The following APC2 variants were observed in gnomAD, a reference collection of about 807,000 sequenced individuals.
APC2 encodes the protein adenomatous polyposis coli protein 2.
In APC2, 41 loss-of-function variants were observed where a neutral mutation model predicts 72.5. The ratio of observed to expected loss-of-function variants is 0.57; its 90% confidence interval spans 0.44 to 0.73. The LOEUF (loss-of-function observed/expected upper bound fraction) is 0.73. APC2 is among the 30% of genes least tolerant of loss of function. APC2 has a pLI of 0.00. For synonymous variants in APC2, 1,898 were observed against 1,612.0 expected (o/e 1.18, Z -4.25); for missense variants, 3,729 against 3,403.4 (o/e 1.10, Z -2.38).
chr19:1,452,882 C>G lies in APC2; in HGVS notation c.-18-102C>G. ...CCTGAGACCCCCCCCAACCCAGGATCAGGCAGGACGGCTGGGGCTTAGGTC... is the reference window on the plus strand; with the variant it reads ...CCTGAGACCCCCCCCAACCCAGGATGAGGCAGGACGGCTGGGGCTTAGGTC... On this transcript the variant is annotated intron_variant, in intron 1 of 14. Coordinates refer to ENST00000590469, the MANE Select transcript of APC2 (RefSeq NM_005883.3). This position sits in a 1 kb window ranked among gnomAD's most constrained non-coding sequence, Gnocchi z 5.1. The G allele has an allele frequency of 7.2e-7, 1 of 1,386,044 alleles. No homozygotes were observed. The highest frequency in any genetic ancestry group is 9.7e-7 in the Non-Finnish European group (1 of 1,033,626). The allele number at this position is 1,386,044 out of a possible 1,614,324, so 85.9% of individuals were successfully genotyped here.
At chr19:1,461,306 C>T in intron 13 of APC2, 153 bp downstream of exon 13, 1 of 668,900 alleles carries the variant, frequency 1.5e-6, no homozygotes, top group East Asian at 2.7e-5. Context: ...GGGCTCACTC[C>T]TCATGTCACT....
At chr19:1,461,316 T>C (rs2083918994) in intron 13 of APC2, 163 bp downstream of exon 13, 2 of 648,640 alleles carry the variant, frequency 3.1e-6, no homozygotes, top group East Asian at 5.4e-5. Flanking sequence ...CTCATGTCAC[T>C]GCTCTTTGAA....
At chr19:1,461,922 C>T (rs777967987) in intron 13 of APC2, 41 bp from the exon 14 acceptor site, 5 of 1,531,116 alleles carry the variant, frequency 3.3e-6, no homozygotes, top group Admixed American at 1.9e-5. Context: ...TCCTCCGGGC[C>T]ACTCAGGCCC....
At position 1,456,083 on chromosome 19, in the gene APC2, C is replaced by A. The variant is rs2071502185; in HGVS notation, c.647C>A (p.Ala216Asp). Residue 216 changes from alanine (A) to aspartate (D), a missense_variant, in exon 7 of 15, where the codon GCC becomes GAC. Coordinates refer to ENST00000590469, the MANE Select transcript of APC2 (RefSeq NM_005883.3). ...DEMVQRAQIR[A>D]SRLEQIDKEL... Reference sequence around the variant, plus strand: ...TCGTGTGGTCCTGAGCAGATCCGCGCCTCGCGCCTGGAGCAGATTGACAAG... The same window carrying A: ...TCGTGTGGTCCTGAGCAGATCCGCGACTCGCGCCTGGAGCAGATTGACAAG... The A allele has an allele frequency of 3.2e-6, 5 of 1,576,140 alleles. No individual in the cohort carries two copies. Among genetic ancestry groups the A allele is most frequent in the Non-Finnish European group, 4.3e-6 (5 of 1,164,370 alleles).
rs746073662 is a variant in APC2, at chr19:1,465,273, C to T, written c.1972C>T (p.Arg658Cys). ...TLWNLSARSARDQELLWDLGA... is the reference protein window; with the variant it reads ...TLWNLSARSACDQELLWDLGA... Reference sequence around the variant, plus strand: ...CTGGAACCTGTCGGCCCGCAGCGCCCGTGACCAGGAGCTGCTGTGGGACCT... The same window carrying T: ...CTGGAACCTGTCGGCCCGCAGCGCCTGTGACCAGGAGCTGCTGTGGGACCT... The change falls in exon 15 of 15, where the codon CGT (arginine) becomes TGT (cysteine). Residue 658 changes from arginine to cysteine, a missense_variant. Coordinates refer to ENST00000590469, the MANE Select transcript of APC2 (RefSeq NM_005883.3). 1.2e-5 allele frequency: 20 copies of T among 1,605,790 alleles called. No homozygotes were observed. The highest frequency in any genetic ancestry group is 8.0e-5 in the African/African-American group (6 of 74,794).
intron 10 of APC2, among the ~76,000 whole-genome samples, chr19:1,459,159 G>A (rs931657897): frequency 2.6e-5 from 4 of 152,122 alleles, no homozygotes; most frequent in Admixed American, 6.5e-5. Flanking sequence ...CCCACTGAGC[G>A]TGACATCCTC....
chr19:1,469,696 A>G lies in APC2; in HGVS notation c.6395A>G (p.Glu2132Gly), dbSNP rs2084098884. ...ADAARRSSDGEPRPLPRVAAP... is the reference protein window; with the variant it reads ...ADAARRSSDGGPRPLPRVAAP... ...GCCGCGCGCCGCAGCAGCGACGGGG[A>G]GCCCCGGCCGCTCCCCAGGGTGGCC... Residue 2132 changes from glutamate (E) to glycine (G), a missense_variant, in exon 15 of 15, where the codon GAG becomes GGG. Transcript: ENST00000590469. 1.5e-6 allele frequency: 2 copies of G among 1,346,250 alleles called. No individual in the cohort carries two copies. 83.4% of individuals were successfully genotyped at this position (1,346,250 alleles called of 1,614,324 possible). A position where few individuals can be genotyped will look rare whatever the true frequency, so the allele number is the denominator to read the frequency against.
Position 1,456,917 on chromosome 19 carries a change from C to T in APC2, c.881C>T (p.Thr294Met), listed in dbSNP as rs1026648739. The T allele has an allele frequency of 1.9e-6, 3 of 1,574,202 alleles. No homozygotes were observed. Among genetic ancestry groups the T allele is most frequent in the African/African-American group, 2.7e-5 (2 of 74,018 alleles). Residue 294 changes from threonine to methionine, a missense_variant, in exon 9 of 15, where the codon ACG becomes ATG. Thr to Met is a moderately conservative substitution (Grantham distance 81). Transcript: ENST00000590469. ...CGCGACCAGGAGGATACAGCGCGCA[C>T]GCTGCTGGCCATGTCCAGCTCGCCC... Reference protein sequence around the residue: ...ATRDQEDTARTLLAMSSSPES... With the variant: ...ATRDQEDTARMLLAMSSSPES...
chr19:1,459,468 C>T (rs924866202), intron 10 of APC2, among the ~76,000 whole-genome samples: 2 of 152,154 alleles, frequency 1.3e-5, no homozygotes, highest in African/African-American at 4.8e-5. Flanking sequence ...GCTCTAGCTG[C>T]CCCCCACTCC....
chr19:1,461,623 C>T (rs1053955730), intron 13 of APC2: 11 of 323,822 alleles, frequency 3.4e-5, no homozygotes, highest in East Asian at 2.0e-4. Flanking sequence ...GAGGCCGAGG[C>T]GGGCGGATCA....
Position 1,467,795 on chromosome 19 carries a change from C to T in APC2, c.4494C>T (p.Leu1498=), listed in dbSNP as rs1299617510. ...ACGGGGCGCTCCAGTCGCTGTGCCT[C>T]ACGACGCCCACTGAGGAGGCCGTGT... ...RGDGALQSLC[L]TTPTEEAVYC... The change falls in exon 15 of 15, where the codon CTC becomes CTT. Residue 1498 remains leucine (L), a synonymous_variant. Coordinates refer to ENST00000590469, the MANE Select transcript of APC2 (RefSeq NM_005883.3). The T allele has an allele frequency of 1.4e-6, 2 of 1,451,404 alleles. No individual in the cohort carries two copies. The highest frequency in any genetic ancestry group is 1.8e-6 in the Non-Finnish European group (2 of 1,106,674). The allele number at this position is 1,451,404 out of a possible 1,614,324, so 89.9% of individuals were successfully genotyped here. A position where few individuals can be genotyped will look rare whatever the true frequency, so the allele number is the denominator to read the frequency against.
chr19:1,455,894 C>T (rs1249257989), intron 6 of APC2, among the ~76,000 whole-genome samples, 182 bp from the exon 7 acceptor site: 1 of 49,660 alleles, frequency 2.0e-5, no homozygotes, highest in Non-Finnish European at 4.1e-5. Flanking sequence ...TCTTAGGAGG[C>T]GGGGCTTAGG....
chr19:1,461,316 T>G, intron 13 of APC2, 163 bp downstream of exon 13: 1 of 648,640 alleles, frequency 1.5e-6, no homozygotes, highest in East Asian at 2.7e-5. Context: ...CTCATGTCAC[T>G]GCTCTTTGAA....
Position 1,452,562 on chromosome 19 carries a change from T to G in APC2, c.-18-422T>G, listed in dbSNP as rs2083756666. ...GGTCCTGTCTGTCTGTCTGTCGCCCTCTCTGGCTGTGAGCCTGGGGGTGCT... is the reference window on the plus strand; with the variant it reads ...GGTCCTGTCTGTCTGTCTGTCGCCCGCTCTGGCTGTGAGCCTGGGGGTGCT... On this transcript the variant is annotated intron_variant, in intron 1 of 14. Coordinates refer to ENST00000590469, the MANE Select transcript of APC2 (RefSeq NM_005883.3). This position sits in a 1 kb window ranked among gnomAD's most constrained non-coding sequence, Gnocchi z 5.1. The G allele has an allele frequency of 5.7e-6, 1 of 174,448 alleles. No homozygotes were observed. Among genetic ancestry groups the G allele is most frequent in the Admixed American group, 5.8e-5 (1 of 17,196 alleles). 10.8% of individuals were successfully genotyped at this position (174,448 alleles called of 1,614,324 possible).
intron 8 of APC2, 132 bp downstream of exon 8, chr19:1,456,536 C>G (rs2083830168): frequency 9.8e-7 from 1 of 1,015,664 alleles, no homozygotes; most frequent in Non-Finnish European, 1.4e-6. Context: ...GAAGGCCCCT[C>G]TGGCGTGCAG....
Position 1,471,035 on chromosome 19 carries a change from C to CA in APC2, c.*823dup, listed in dbSNP as rs1055218673. 4.6e-5 allele frequency: 7 copies of CA among 152,040 alleles called. No individual in the cohort carries two copies. The highest frequency in any genetic ancestry group is 9.7e-5 in the African/African-American group (4 of 41,406). 9.4% of individuals were successfully genotyped at this position (152,040 alleles called of 1,614,324 possible). The stretch of plus-strand genomic sequence containing the variant: ...CCATCCCAGAGGAGATGCTGGCTAC[C>CA]AGCTGGGGCGACCCCAAGGGTCGCT... On this transcript the variant is annotated 3_prime_UTR_variant, in exon 15 of 15. Transcript: ENST00000590469.
chr19:1,453,123 CAG>C lies in APC2; in HGVS notation c.126_127del (p.Glu42AspfsTer102), dbSNP rs1477534231. On this transcript the variant is annotated frameshift_variant, in exon 2 of 15. Coordinates refer to ENST00000590469, the MANE Select transcript of APC2 (RefSeq NM_005883.3). LOFTEE classifies it high-confidence loss of function. ...TCCAGCCACCTGTCCAAGCTGGAGA[CAG>C]AGACGTCGGGCATGAAGGTGGGGGC... The C allele has an allele frequency of 6.2e-7, 1 of 1,605,514 alleles. No homozygotes were observed.
rs2083825500 is a variant in APC2, at chr19:1,456,330, C to T, written c.742C>T (p.Pro248Ser). 6.2e-7 allele frequency: 1 copy of T among 1,608,852 alleles called. No homozygotes were observed. ...GGCCTTGCTGGCGGTGAAGTCGGTG[C>T]CGGTGGACGAGGACCCCGAGACAGA... The part of the protein sequence containing the change: ...PQALLAVKSV[P>S]VDEDPETEVP... The change falls in exon 8 of 15, where the codon CCG (proline) becomes TCG (serine). Residue 248 changes from proline to serine, a missense_variant. Physicochemically the swap from Pro to Ser is moderately conservative, Grantham distance 74. Coordinates refer to ENST00000590469, the MANE Select transcript of APC2 (RefSeq NM_005883.3).
At chr19:1,461,920 G>A (rs1291782152) in intron 13 of APC2, 43 bp from the exon 14 acceptor site, 2 of 1,529,940 alleles carry the variant, frequency 1.3e-6, no homozygotes, top group Admixed American at 1.9e-5. Context: ...TTTCCTCCGG[G>A]CCACTCAGGC....
Sources: gnomAD v4.1 joint callset for allele counts (sites outside exome capture counted in the v4.1 genomes callset) on GRCh38, gnomAD v4.1.1 for gene constraint, Gnocchi (gnomAD v3.1) non-coding constraint, MANE v1.5 for transcripts, NCBI Gene and HGNC (gene_info 2026-07-23, HGNC 2026-07-21) for gene names.